Variants in CHLSN observed in about 807,000 individuals in gnomAD.
The protein encoded by CHLSN is protein cholesin.
chr7:993,464 G>C, the CHLSN span, among the ~76,000 whole-genome samples: 8 of 152,304 alleles, frequency 5.3e-5, no homozygotes, highest in East Asian at 1.5e-3. Context: ...CGGGCTGGAA[G>C]GTCAGCTTGA....
At chr7:1,016,809 A>AGCAGCG in the CHLSN span, among the ~76,000 whole-genome samples, 3 of 106,670 alleles carry the variant, frequency 2.8e-5, no homozygotes, top group African/African-American at 1.5e-4. Context: ...ACAGCAGCAC[A>AGCAGCG]CACCAGCGCA....
chr7:1,010,662 C>T, the CHLSN span, among the ~76,000 whole-genome samples: 189 of 152,290 alleles, frequency 1.2e-3, no homozygotes, highest in Non-Finnish European at 2.2e-3. Context: ...GGGGCCAAGA[C>T]CCCCAAGGGA....
chr7:1,002,702 TGTGGGTGAGTGGA>T, the CHLSN span, among the ~76,000 whole-genome samples: 2 of 69,504 alleles, frequency 2.9e-5, no homozygotes, highest in Admixed American at 1.4e-4. Flanking sequence ...AGTGGAGCCC[TGTGGGTGAGTGGA>T]GCCCTGTGGG....
chr7:1,093,505 C>T, the CHLSN span: 11 of 470,564 alleles, frequency 2.3e-5, 1 homozygote, highest in South Asian at 7.7e-5. Flanking sequence ...GCGCTCGGCC[C>T]GGAGCAGCAG....
chr7:1,119,875 C>CAAA, the CHLSN span, among the ~76,000 whole-genome samples: 7,039 of 117,724 alleles, frequency 0.06, 240 homozygotes, highest in African/African-American at 0.096. Flanking sequence ...GAAACTCCGT[C>CAAA]AAAAAAAAAA....
the CHLSN span, among the ~76,000 whole-genome samples, chr7:1,015,042 G>A: frequency 6.6e-6 from 1 of 152,248 alleles, no homozygotes; most frequent in Non-Finnish European, 1.5e-5. Flanking sequence ...GGCAGGGCCT[G>A]ACACGGCTGC....
chr7:997,872 A>C, the CHLSN span: 2 of 1,431,856 alleles, frequency 1.4e-6, no homozygotes, highest in Admixed American at 4.2e-5. Flanking sequence ...GCAGGAGACA[A>C]GACGCTGCAG....
At chr7:1,017,306 C>T in the CHLSN span, among the ~76,000 whole-genome samples, 12 of 152,258 alleles carry the variant, frequency 7.9e-5, no homozygotes, top group African/African-American at 2.9e-4. Context: ...CGCCACCAGC[C>T]CAGCCTGCCG....
At chr7:994,522 C>T in the CHLSN span, among the ~76,000 whole-genome samples, 1,015 of 152,284 alleles carry the variant, frequency 6.7e-3, 69 homozygotes, top group East Asian at 0.17. Context: ...CTGCTCACTG[C>T]AGCCTTGACC....
chr7:1,009,051 A>G, the CHLSN span, among the ~76,000 whole-genome samples: 18 of 148,554 alleles, frequency 1.2e-4, no homozygotes, highest in East Asian at 2.0e-4. Context: ...GCACACACGT[A>G]CACGTGCACG....
At chr7:1,007,201 C>T in the CHLSN span, among the ~76,000 whole-genome samples, 11 of 152,230 alleles carry the variant, frequency 7.2e-5, no homozygotes, top group East Asian at 2.1e-3. Flanking sequence ...CCTCCACACA[C>T]AGCCCACCTG....
the CHLSN span, among the ~76,000 whole-genome samples, chr7:1,084,806 C>A: frequency 6.6e-6 from 1 of 152,376 alleles, no homozygotes; most frequent in East Asian, 1.9e-4. Flanking sequence ...CTGGAGCCGG[C>A]AACGCTGAAA....
At chr7:1,010,947 G>A in the CHLSN span, among the ~76,000 whole-genome samples, 1 of 151,948 alleles carries the variant, frequency 6.6e-6, no homozygotes, top group East Asian at 1.9e-4. Flanking sequence ...ACCAGGCAGC[G>A]CCCACCGGGA....
chr7:1,126,637 C>T, the CHLSN span, among the ~76,000 whole-genome samples: 1 of 151,936 alleles, frequency 6.6e-6, no homozygotes. Flanking sequence ...GCTGAGATCC[C>T]ACCACTGCAC....
the CHLSN span, chr7:1,092,591 A>C: frequency 2.5e-6 from 4 of 1,611,398 alleles, no homozygotes; most frequent in Middle Eastern, 1.6e-4. Context: ...CAGCGGACGC[A>C]GCCTGGGGCC....
the CHLSN span, among the ~76,000 whole-genome samples, chr7:1,084,811 C>G: frequency 1.3e-5 from 2 of 152,372 alleles, no homozygotes; most frequent in South Asian, 4.1e-4. Context: ...GCCGGCAACG[C>G]TGAAAACCAG....
At chr7:1,136,118 A>AT in the CHLSN span, among the ~76,000 whole-genome samples, 43 of 63,694 alleles carry the variant, frequency 6.8e-4, 1 homozygote, top group African/African-American at 4.0e-3. Context: ...ATATATACAT[A>AT]AATATATATA....
At chr7:1,092,569 G>C in the CHLSN span, 2 of 1,610,684 alleles carry the variant, frequency 1.2e-6, no homozygotes, top group South Asian at 2.2e-5. Context: ...CTTCATCAGC[G>C]TGCACCTCCT....
chr7:1,109,881 C>T, the CHLSN span, among the ~76,000 whole-genome samples: 1 of 151,886 alleles, frequency 6.6e-6, no homozygotes, highest in Non-Finnish European at 1.5e-5. Flanking sequence ...AGGCAACCAC[C>T]TCCATCCTCA....
Sources: gnomAD v4.1 joint callset for allele counts (sites outside exome capture counted in the v4.1 genomes callset) on GRCh38, gnomAD v4.1.1 for gene constraint, MANE v1.5 for transcripts, NCBI Gene and HGNC (gene_info 2026-07-23, HGNC 2026-07-21) for gene names.